Variants in TRPM7 observed in about 807,000 individuals in gnomAD.
TRPM7 encodes transient receptor potential cation channel subfamily M member 7.
TRPM7 carries 134 observed loss-of-function variants against 229.7 expected under a neutral mutation model. The observed-to-expected ratio is 0.58, with a 90% CI of 0.51 to 0.67. The LOEUF is 0.67. Among genes scored for constraint, TRPM7 ranks in the 30% least tolerant of loss-of-function variants. The pLI, the probability that TRPM7 is intolerant of heterozygous loss-of-function variation, is 0.00. For missense variants in TRPM7, 1,901 were observed against 2,210.0 expected, an observed-to-expected ratio of 0.86 and a Z score of 2.80; for synonymous variants, 699 against 715.2, an observed-to-expected ratio of 0.98 and a Z score of 0.36.
chr15:50,632,021 T>C (rs1034816746), intron 9 of TRPM7, among the ~76,000 whole-genome samples: 2 of 152,148 alleles, frequency 1.3e-5, no homozygotes, highest in Admixed American at 1.3e-4. Context: ...AAGTGAAAGA[T>C]GGCCAGGCCC....
chr15:50,618,418 A>C (rs1343245763), intron 13 of TRPM7, among the ~76,000 whole-genome samples: 1 of 151,924 alleles, frequency 6.6e-6, no homozygotes, highest in Non-Finnish European at 1.5e-5. Flanking sequence ...AAAATACAAA[A>C]AATTAGCCAG....
At chr15:50,676,825 GA>G (rs1197130604) in intron 1 of TRPM7, among the ~76,000 whole-genome samples, 1 of 152,096 alleles carries the variant, frequency 6.6e-6, no homozygotes, top group Admixed American at 6.6e-5. Flanking sequence ...AAAGTGATGG[GA>G]AAGTTTCCGC....
chr15:50,571,234 C>T (rs567072425), intron 36 of TRPM7, among the ~76,000 whole-genome samples: 1 of 152,302 alleles, frequency 6.6e-6, no homozygotes, highest in South Asian at 2.1e-4. Context: ...ATATTCCATA[C>T]TGGAAAGACT....
At chr15:50,625,585 TTC>T (rs1037266171) in intron 11 of TRPM7, among the ~76,000 whole-genome samples, 1 of 152,042 alleles carries the variant, frequency 6.6e-6, no homozygotes, top group African/African-American at 2.4e-5. Flanking sequence ...CCTGCCTTTT[TTC>T]TTTTTCTTTA....
At chr15:50,634,826 T>C (rs529822221) in intron 7 of TRPM7, among the ~76,000 whole-genome samples, 25 of 152,306 alleles carry the variant, frequency 1.6e-4, no homozygotes, top group African/African-American at 5.5e-4. Context: ...CAATATATAA[T>C]AGACAGCAAA....
intron 29 of TRPM7, 68 bp downstream of exon 29, chr15:50,583,021 T>C: frequency 8.4e-7 from 1 of 1,191,328 alleles, no homozygotes; most frequent in Non-Finnish European, 1.1e-6. Context: ...ATCACCACTT[T>C]GTAGATCTTA....
At chr15:50,579,048 A>G (rs943066615) in intron 30 of TRPM7, among the ~76,000 whole-genome samples, 2 of 152,358 alleles carry the variant, frequency 1.3e-5, no homozygotes, top group African/African-American at 4.8e-5. Context: ...AAATATTTCA[A>G]TAGAATTGAT....
chr15:50,592,237 T>C lies in TRPM7; in HGVS notation c.3998A>G (p.Asp1333Gly), dbSNP rs2059522197. 1.9e-6 allele frequency: 3 copies of C among 1,614,038 alleles called. No individual in the cohort carries two copies. The highest frequency in any genetic ancestry group is 2.5e-6 in the Non-Finnish European group (3 of 1,180,034). ...KDPQCNIFGQ[D>G]LPAVPQRKEF... Reference sequence around the variant, plus strand: ...TTTTCTCTGGGGTACTGCAGGTAAGTCTTGACCAAATATATTACACTGGGG... The same window carrying C: ...TTTTCTCTGGGGTACTGCAGGTAAGCCTTGACCAAATATATTACACTGGGG... Residue 1333 changes from aspartate (D) to glycine (G), a missense_variant, in exon 26 of 39, where the codon GAC becomes GGC. Physicochemically the swap from Asp to Gly is moderately conservative, Grantham distance 94. This residue lies in a region of TRPM7 where 533 missense variants were observed against 497.1 expected (regional missense o/e 1.07). Coordinates refer to ENST00000646667, the MANE Select transcript of TRPM7 (RefSeq NM_017672.6).
intron 2 of TRPM7, among the ~76,000 whole-genome samples, chr15:50,658,886 A>C (rs1306195509): frequency 6.6e-6 from 1 of 152,234 alleles, no homozygotes; most frequent in Non-Finnish European, 1.5e-5. Context: ...GACATAATTA[A>C]ATAGGCTGCA....
chr15:50,589,696 T>G, intron 26 of TRPM7, 40 bp from the exon 27 acceptor site: 1 of 1,407,494 alleles, frequency 7.1e-7, no homozygotes, highest in Non-Finnish European at 9.9e-7. Context: ...GAAATTTTTA[T>G]TTTTCTTCAC....
At chr15:50,604,843 T>C in intron 21 of TRPM7, 23 bp downstream of exon 21, 1 of 1,532,184 alleles carries the variant, frequency 6.5e-7, no homozygotes, top group South Asian at 1.3e-5. Flanking sequence ...CCCACGAGTA[T>C]TATCAAACAT....
chr15:50,635,649 C>G (rs181567811), intron 7 of TRPM7, among the ~76,000 whole-genome samples: 9 of 116,870 alleles, frequency 7.7e-5, no homozygotes, highest in Non-Finnish European at 1.5e-4. Context: ...AGCAACAGAG[C>G]AAGACTCCAT....
Position 50,604,957 on chromosome 15 carries a change from C to G in TRPM7, c.2897G>C (p.Cys966Ser), listed in dbSNP as rs759841028. ...HVFVAGRLIYCLNIIFWYVRL... is the reference protein window; with the variant it reads ...HVFVAGRLIYSLNIIFWYVRL... ...CACATACCAAAATATTATGTTAAGACAGTAAATTAATCTTCCAGCCACAAA... is the reference window on the plus strand; with the variant it reads ...CACATACCAAAATATTATGTTAAGAGAGTAAATTAATCTTCCAGCCACAAA... The change falls in exon 21 of 39, where the codon TGT becomes TCT. Residue 966 changes from cysteine (C) to serine (S), a missense_variant. Physicochemically the swap from Cys to Ser is moderately radical, Grantham distance 112 (BLOSUM62 -1). Transcript: ENST00000646667. 2 of 1,613,704 alleles carry G rather than the reference C, an allele frequency of 1.2e-6. No homozygotes were observed. Among genetic ancestry groups the G allele is most frequent in the Non-Finnish European group, 1.7e-6 (2 of 1,179,884 alleles).
rs1358115830 is a variant in TRPM7 at position 50,630,451 on chromosome 15, GAGA to G, written c.1204+963_1204+965del. On this transcript the variant is annotated intron_variant, in intron 10 of 38. Transcript: ENST00000646667. ...GATACCGTCATAGTTTCTAATTTCT[GAGA>G]AGATTTTTCGCTATAATGTTGTTAT... is the stretch of plus-strand genomic sequence containing the variant. 1.3e-5 allele frequency among the ~76,000 whole-genome samples: 2 copies of G among 152,094 alleles called. 1 individual carries two copies. The highest frequency in any genetic ancestry group is 2.9e-5 in the Non-Finnish European group (2 of 68,014).
rs2053211539 is a variant in TRPM7, at chr15:50,558,817, CAGG to C, written c.*2858_*2860del. Reference sequence around the variant, plus strand: ...CAGTGGCAGGAGGATTGCTTGAGCCCAGGAGTTTACGGCTGCAGTGAGCTATGA... The same window carrying C: ...CAGTGGCAGGAGGATTGCTTGAGCCCAGTTTACGGCTGCAGTGAGCTATGA... On this transcript the variant is annotated 3_prime_UTR_variant, in exon 39 of 39. Transcript: ENST00000646667. The C allele has an allele frequency of 6.6e-6, 1 of 151,782 alleles. No homozygotes were observed. Among genetic ancestry groups the C allele is most frequent in the East Asian group, 1.9e-4 (1 of 5,186 alleles). The allele number at this position is 151,782 out of a possible 1,614,324, so 9.4% of individuals were successfully genotyped here.
At chr15:50,669,034 T>C (rs1431442030) in intron 1 of TRPM7, among the ~76,000 whole-genome samples, 2 of 152,158 alleles carry the variant, frequency 1.3e-5, no homozygotes, top group African/African-American at 4.8e-5. Flanking sequence ...AAGTTAAGAA[T>C]GTCACTTTTT....
intron 38 of TRPM7, among the ~76,000 whole-genome samples, chr15:50,566,044 C>A (rs181508412): frequency 6.6e-6 from 1 of 151,816 alleles, no homozygotes; most frequent in Non-Finnish European, 1.5e-5. Flanking sequence ...AGGTTGGTAT[C>A]GACCTCCTGA....
At chr15:50,614,096 A>G in intron 14 of TRPM7, 27 bp downstream of exon 14, 1 of 1,568,106 alleles carries the variant, frequency 6.4e-7, no homozygotes, top group Non-Finnish European at 8.7e-7. Flanking sequence ...AAGCATATAT[A>G]TAGATTTCCC....
intron 36 of TRPM7, among the ~76,000 whole-genome samples, chr15:50,572,469 A>G (rs2053937960): frequency 6.6e-6 from 1 of 152,212 alleles, no homozygotes; most frequent in South Asian, 2.1e-4. Context: ...AGGTATGTAC[A>G]CTGTTCTTCA....
Sources: allele counts gnomAD v4.1 joint callset (sites outside exome capture counted in the v4.1 genomes callset), GRCh38; gene constraint gnomAD v4.1.1; regional missense constraint gnomAD v4.1.1; transcripts MANE v1.5; gene names NCBI Gene and HGNC (gene_info 2026-07-23, HGNC 2026-07-21).